The following SMIM35 variants were observed in gnomAD, a reference collection of about 807,000 sequenced individuals.
SMIM35 encodes the protein TMPRSS4 antisense RNA 1 (non-protein coding).
chr11:118,019,826 G>C (rs1231961241), intron 1 of SMIM35, among the ~76,000 whole-genome samples: 1 of 151,888 alleles, frequency 6.6e-6, no homozygotes, highest in East Asian at 1.9e-4. Flanking sequence ...CTTCATTGCT[G>C]CTGCTTTCAT....
At chr11:118,027,016 C>CTTTTTTTTTTTTTTTTTTT (rs60864416) in intron 1 of SMIM35, among the ~76,000 whole-genome samples, 1 of 93,254 alleles carries the variant, frequency 1.1e-5, no homozygotes, top group Non-Finnish European at 2.0e-5. Context: ...ACCACCACCA[C>CTTTTTTTTTTTTTTTTTTT]TTTTTTTTTT....
chr11:118,080,169 G>A (rs542615106), intron 1 of SMIM35, among the ~76,000 whole-genome samples: 43 of 152,306 alleles, frequency 2.8e-4, no homozygotes, highest in Admixed American at 9.1e-4. Context: ...GTGGTTACAA[G>A]GTACCCCTGG....
intron 1 of SMIM35, among the ~76,000 whole-genome samples, chr11:118,044,772 C>CAAA (rs35072099): frequency 0.031 from 2,969 of 94,492 alleles, 173 homozygotes; most frequent in African/African-American, 0.098. Flanking sequence ...ACTCCATCTC[C>CAAA]AAAAAAAAAA....
At chr11:118,037,159 A>C (rs1198011085) in intron 1 of SMIM35, among the ~76,000 whole-genome samples, 1 of 152,030 alleles carries the variant, frequency 6.6e-6, no homozygotes, top group African/African-American at 2.4e-5. Flanking sequence ...GCCAGCGACC[A>C]CTCTAACTGC....
At chr11:118,059,456 G>C (rs1017345406) in intron 1 of SMIM35, 1 of 152,176 alleles carries the variant, frequency 6.6e-6, no homozygotes, top group African/African-American at 2.4e-5. Flanking sequence ...ACTCACCGAG[G>C]GCTCACCTCT....
intron 1 of SMIM35, among the ~76,000 whole-genome samples, chr11:118,059,975 T>G (rs184123896): frequency 2.6e-5 from 4 of 152,150 alleles, no homozygotes; most frequent in African/African-American, 9.7e-5. Context: ...TTTTATCTCA[T>G]AGCCTTGAGC....
chr11:118,031,019 C>G (rs146205747), intron 1 of SMIM35, among the ~76,000 whole-genome samples: 268 of 151,964 alleles, frequency 1.8e-3, no homozygotes, highest in African/African-American at 6.1e-3. Flanking sequence ...CAATCAATAT[C>G]AATATCGATG....
At chr11:118,016,805 T>C (rs2058186765) in intron 1 of SMIM35, among the ~76,000 whole-genome samples, 1 of 152,210 alleles carries the variant, frequency 6.6e-6, no homozygotes, top group South Asian at 2.1e-4. Flanking sequence ...TAGAGAGCAC[T>C]TAGGAGAGGA....
chr11:118,044,302 G>A (rs1944055784), intron 1 of SMIM35, among the ~76,000 whole-genome samples: 1 of 128,988 alleles, frequency 7.8e-6, no homozygotes, highest in Non-Finnish European at 1.6e-5. Flanking sequence ...TCACTGAGAA[G>A]TCTGGCAGAA....
chr11:118,077,394 G>A lies in SMIM35; in HGVS notation c.7+9357C>T, dbSNP rs563885273. 7.5e-5 allele frequency: 109 copies of A among 1,443,762 alleles called. No homozygotes were observed. In the African/African-American group the frequency reaches 1.5e-3, roughly 19 times the overall value. 89.4% of individuals were successfully genotyped at this position (1,443,762 alleles called of 1,614,324 possible). A position where few individuals can be genotyped will look rare whatever the true frequency, so the allele number is the denominator to read the frequency against. On this transcript the variant is annotated intron_variant, in intron 1 of 4. Coordinates refer to ENST00000689828, the MANE Select transcript of SMIM35 (RefSeq NM_001394165.1). The stretch of plus-strand genomic sequence containing the variant: ...CAAGCAGCCTGAGCATCCATCAGCT[G>A]AGAATTCTGTGACACCTTCTAGGTT...
At chr11:118,056,446 T>C (rs1283125108) in intron 1 of SMIM35, among the ~76,000 whole-genome samples, 1 of 151,976 alleles carries the variant, frequency 6.6e-6, no homozygotes, top group African/African-American at 2.4e-5. Flanking sequence ...ATGCCACTGA[T>C]CAAAATGGGG....
intron 4 of SMIM35, among the ~76,000 whole-genome samples, chr11:118,008,875 A>T (rs2058136297): frequency 6.6e-6 from 1 of 152,214 alleles, no homozygotes. Context: ...TTTCAGGGAG[A>T]CTGGATGCCC....
chr11:118,037,348 C>A (rs571435368), intron 1 of SMIM35, among the ~76,000 whole-genome samples: 1 of 152,264 alleles, frequency 6.6e-6, no homozygotes, highest in Non-Finnish European at 1.5e-5. Context: ...CTGGAAGAGA[C>A]AAACTTAACA....
chr11:118,078,527 A>G lies in SMIM35; in HGVS notation c.7+8224T>C, dbSNP rs1298669625. Among the ~76,000 whole-genome samples the G allele has an allele frequency of 2.6e-5, 4 of 152,216 alleles. No individual in the cohort carries two copies. In the East Asian group the frequency reaches 7.7e-4, roughly 29 times the overall value. Reference sequence around the variant, plus strand: ...AGGGGAAGGGGCTTCCCTTTGAGCCAGGATCAAAGCACAAGCTTCCTGCTT... The same window carrying G: ...AGGGGAAGGGGCTTCCCTTTGAGCCGGGATCAAAGCACAAGCTTCCTGCTT... On this transcript the variant is annotated intron_variant, in intron 1 of 4. Coordinates refer to ENST00000689828, the MANE Select transcript of SMIM35 (RefSeq NM_001394165.1).
chr11:118,038,318 A>T (rs560772831), intron 1 of SMIM35, among the ~76,000 whole-genome samples: 1 of 152,228 alleles, frequency 6.6e-6, no homozygotes, highest in South Asian at 2.1e-4. Context: ...CTTTTGCAGC[A>T]CTCACACCTT....
rs947008114 is a variant in SMIM35 at position 118,077,452 on chromosome 11, C to T, written c.7+9299G>A. ...GAGGCCACACCCAAATCCCCTCACA[C>T]CCCAGCCCGGTACACGTCTCATACC... On this transcript the variant is annotated intron_variant, in intron 1 of 4. Coordinates refer to ENST00000689828, the MANE Select transcript of SMIM35 (RefSeq NM_001394165.1). 4 of 968,972 alleles carry T rather than the reference C, an allele frequency of 4.1e-6. No individual in the cohort carries two copies. In the African/African-American group the frequency reaches 5.0e-5, roughly 12 times the overall value. 60.0% of individuals were successfully genotyped at this position (968,972 alleles called of 1,614,324 possible). A position where few individuals can be genotyped will look rare whatever the true frequency, so the allele number is the denominator to read the frequency against.
intron 4 of SMIM35, among the ~76,000 whole-genome samples, chr11:118,007,674 G>A (rs1213260903): frequency 1.3e-5 from 2 of 150,832 alleles, no homozygotes; most frequent in Non-Finnish European, 2.9e-5. Context: ...GATTATAGGT[G>A]TGAGCCACTG....
chr11:118,065,860 A>G (rs1008223177), intron 1 of SMIM35, among the ~76,000 whole-genome samples: 22 of 152,054 alleles, frequency 1.4e-4, no homozygotes, highest in African/African-American at 5.3e-4. Context: ...TCTTTGTTCG[A>G]AGCACAAAGA....
intron 1 of SMIM35, among the ~76,000 whole-genome samples, chr11:118,020,983 A>T (rs2058224083): frequency 6.6e-6 from 1 of 150,874 alleles, no homozygotes; most frequent in African/African-American, 2.4e-5. Context: ...TTCCACTGGG[A>T]TATCTTCTTT....
Sources: allele counts gnomAD v4.1 joint callset (sites outside exome capture counted in the v4.1 genomes callset), GRCh38; gene constraint gnomAD v4.1.1; transcripts MANE v1.5; gene names NCBI Gene and HGNC (gene_info 2026-07-23, HGNC 2026-07-21).